The following APTX variants were observed in gnomAD, a reference collection of about 807,000 sequenced individuals.
APTX encodes forkhead-associated domain histidine triad-like protein.
Under a neutral mutation model 42.3 loss-of-function variants are expected in APTX, and 33 were observed. That is an observed-to-expected ratio of 0.78 (90% CI 0.59 to 1.04). The LOEUF (loss-of-function observed/expected upper bound fraction) is 1.04. Ranked by LOEUF, APTX falls within the 50% of genes least tolerant of loss-of-function variation. APTX has a pLI of 0.00. For missense variants in APTX, 421 were observed against 415.1 expected, an observed-to-expected ratio of 1.01 and a Z score of -0.12; for synonymous variants, 130 against 146.7, an observed-to-expected ratio of 0.89 and a Z score of 0.82.
At chr9:32,982,686 G>A (rs913264205) in intron 6 of APTX, among the ~76,000 whole-genome samples, 4 of 152,092 alleles carry the variant, frequency 2.6e-5, no homozygotes, top group African/African-American at 9.7e-5. Flanking sequence ...CTCTTGCTGT[G>A]AGCATTCTCC....
intron 1 of APTX, among the ~76,000 whole-genome samples, chr9:32,996,679 T>G (rs185397970): frequency 2.4e-4 from 37 of 152,376 alleles, no homozygotes; most frequent in African/African-American, 8.4e-4. Flanking sequence ...CTGTCTTCTC[T>G]TCTCTACATC....
chr9:33,001,657 C>A (rs562778798), upstream of APTX: 89 of 1,609,116 alleles, frequency 5.5e-5, 1 homozygote, highest in South Asian at 8.9e-4. Flanking sequence ...CCGGCTGTAT[C>A]GCGACCAGTG....
intron 1 of APTX, among the ~76,000 whole-genome samples, chr9:33,017,908 T>G (rs1838017569): frequency 6.7e-6 from 1 of 149,864 alleles, no homozygotes; most frequent in Admixed American, 6.7e-5. Flanking sequence ...ATCACTTGGT[T>G]AGTTGCCCTA....
chr9:32,984,217 A>C (rs993773641), intron 6 of APTX, among the ~76,000 whole-genome samples: 1 of 152,178 alleles, frequency 6.6e-6, no homozygotes, highest in African/African-American at 2.4e-5. Flanking sequence ...CAAATCCTGG[A>C]TCTACTACGC....
chr9:32,980,318 G>T, intron 6 of APTX: 1 of 160,274 alleles, frequency 6.2e-6, no homozygotes. Context: ...ATATTTTTAA[G>T]CTCCTTTGGC....
intron 1 of APTX, among the ~76,000 whole-genome samples, chr9:33,024,491 A>T (rs1328808633): frequency 6.6e-6 from 1 of 152,162 alleles, no homozygotes; most frequent in Non-Finnish European, 1.5e-5. Context: ...AAATAATTAA[A>T]CAAATTGTTT....
intron 4 of APTX, among the ~76,000 whole-genome samples, chr9:32,986,327 C>G (rs112618614): frequency 4.6e-5 from 7 of 152,124 alleles, no homozygotes; most frequent in Admixed American, 2.6e-4. Flanking sequence ...TCCCAAGTAG[C>G]TGGGATTACA....
intron 1 of APTX, chr9:33,016,297 C>T (rs975485201): frequency 1.3e-5 from 2 of 152,174 alleles, no homozygotes; most frequent in Non-Finnish European, 2.9e-5. Flanking sequence ...CCAGCAGATA[C>T]TCTCTCAATA....
intron 1 of APTX, among the ~76,000 whole-genome samples, chr9:33,007,698 T>C (rs1837256971): frequency 6.6e-6 from 1 of 152,240 alleles, no homozygotes. Context: ...AACTGCGACA[T>C]TGCCTTCTCT....
chr9:33,021,094 A>C (rs997332375), intron 1 of APTX, among the ~76,000 whole-genome samples: 3 of 151,034 alleles, frequency 2.0e-5, no homozygotes, highest in African/African-American at 7.3e-5. Flanking sequence ...GCTCCATTGC[A>C]CTCCAGCCTG....
In APTX at chr9:32,977,651, C is replaced by A. The variant is rs908259625; in HGVS notation, c.771-3090G>T. Among the ~76,000 whole-genome samples the A allele has an allele frequency of 2.6e-5, 4 of 151,922 alleles. No homozygotes were observed. The East Asian group carries it at 7.8e-4, about 30-fold the overall frequency. On this transcript the variant is annotated intron_variant, in intron 6 of 7. Transcript: ENST00000379817. Reference sequence around the variant, plus strand: ...TTCAAGACCAGCCTGGCCAATATGACAAAACCCCATCTCTACTAAAAATAC... The same window carrying A: ...TTCAAGACCAGCCTGGCCAATATGAAAAAACCCCATCTCTACTAAAAATAC...
rs769330748 is a variant in APTX, at chr9:32,989,767, C to G, written c.125G>C (p.Arg42Pro). Residue 42 changes from arginine to proline, a missense_variant, in exon 2 of 8, where the codon CGA becomes CCA. Transcript: ENST00000379817. ...ETKITDKKCS[R>P]QQVQLKAECN... is the part of the protein sequence containing the mutation. Reference sequence around the variant, plus strand: ...TTTCTATGACCAGTTACCTTGCTGTCGAGAACATTTCTTATCAGTGATCTT... The same window carrying G: ...TTTCTATGACCAGTTACCTTGCTGTGGAGAACATTTCTTATCAGTGATCTT... The G allele has an allele frequency of 6.2e-6, 10 of 1,614,226 alleles. 1 individual carries two copies. Among genetic ancestry groups the G allele is most frequent in the South Asian group, 4.4e-5 (4 of 91,074 alleles).
intron 6 of APTX, among the ~76,000 whole-genome samples, chr9:32,976,216 C>T (rs1829359811): frequency 2.3e-5 from 2 of 88,552 alleles, no homozygotes; most frequent in South Asian, 4.3e-4. Flanking sequence ...CATCACATAC[C>T]GGGGCCTGTC....
At chr9:33,024,935 C>T (rs980127371) in intron 1 of APTX, 1 of 150,472 alleles carries the variant, frequency 6.6e-6, no homozygotes, top group African/African-American at 2.5e-5. Context: ...TCACTGTACT[C>T]GAGCCCTTCC....
intron 6 of APTX, among the ~76,000 whole-genome samples, chr9:32,983,666 T>G (rs541239216): frequency 1.3e-5 from 2 of 152,280 alleles, no homozygotes; most frequent in Admixed American, 1.3e-4. Flanking sequence ...GAGAAAATCC[T>G]GTCACATGCT....
chr9:33,017,076 C>T (rs1837955073), intron 1 of APTX, among the ~76,000 whole-genome samples: 1 of 152,176 alleles, frequency 6.6e-6, no homozygotes, highest in African/African-American at 2.4e-5. Flanking sequence ...GGTGGAGGGG[C>T]TTCAAACCAA....
chr9:33,005,028 G>A (rs1429839988), upstream of APTX, among the ~76,000 whole-genome samples: 1 of 152,046 alleles, frequency 6.6e-6, no homozygotes, highest in Non-Finnish European at 1.5e-5. Context: ...CTAATGATTA[G>A]TGATGTTGAT....
At chr9:33,024,514 C>CT (rs1341924540) in intron 1 of APTX, among the ~76,000 whole-genome samples, 1 of 152,174 alleles carries the variant, frequency 6.6e-6, no homozygotes, top group Non-Finnish European at 1.5e-5. Flanking sequence ...GTCAGACACT[C>CT]TTGCGGCTAC....
At chr9:33,022,840 T>G (rs1036796516) in intron 1 of APTX, among the ~76,000 whole-genome samples, 1 of 152,212 alleles carries the variant, frequency 6.6e-6, no homozygotes, top group Non-Finnish European at 1.5e-5. Flanking sequence ...AAGTGTTAAC[T>G]TTTTTGTTAG....
Sources: gnomAD v4.1 joint callset for allele counts (sites outside exome capture counted in the v4.1 genomes callset) on GRCh38, gnomAD v4.1.1 for gene constraint, MANE v1.5 for transcripts, NCBI Gene and HGNC (gene_info 2026-07-23, HGNC 2026-07-21) for gene names.